FLG: variants seen among roughly 807,000 people sequenced by gnomAD.
The protein encoded by FLG is filaggrin, also known as epidermal filaggrin.
FLG carries 6 observed loss-of-function variants against 3.8 expected under a neutral mutation model. That is an observed-to-expected ratio of 1.60 (90% CI 0.87 to 3.15). The LOEUF (loss-of-function observed/expected upper bound fraction) is 3.15. Among genes scored for constraint, FLG ranks in the 30% most tolerant of loss-of-function variants. The pLI, the probability that FLG is intolerant of heterozygous loss-of-function variation, is 0.00. For synonymous variants in FLG, 2,551 were observed against 1,931.6 expected (o/e 1.32, Z -8.41); for missense variants, 7,595 against 5,050.9 (o/e 1.50, Z -15.27).
chr1:152,310,837 C>T lies in FLG; in HGVS notation c.4049G>A (p.Arg1350Lys). The T allele has an allele frequency of 6.2e-7, 1 of 1,611,906 alleles. No individual in the cohort carries two copies. Among genetic ancestry groups the T allele is most frequent in the Non-Finnish European group, 8.5e-7 (1 of 1,179,078 alleles). ...GQAVSSHEQA[R>K]SSPGERHGSR... ...TCCATGTCTTTCTCCTGGACTTGATCTTGCCTGTTCATGGGATGACACAGC... is the reference window on the plus strand; with the variant it reads ...TCCATGTCTTTCTCCTGGACTTGATTTTGCCTGTTCATGGGATGACACAGC... Residue 1350 changes from arginine (R) to lysine (K), a missense_variant, in exon 3 of 3, where the codon AGA becomes AAA. Physicochemically the swap from Arg to Lys is conservative, Grantham distance 26. Transcript: ENST00000368799.
In FLG at chr1:152,310,510, G is replaced by A; in HGVS notation, c.4376C>T (p.Ala1459Val). The A allele has an allele frequency of 1.2e-6, 2 of 1,613,724 alleles. No homozygotes were observed. Among genetic ancestry groups the A allele is most frequent in the South Asian group, 2.2e-5 (2 of 91,052 alleles). Reference protein sequence around the residue: ...EQSESTHGQTAPSTGGRQGSR... With the variant: ...EQSESTHGQTVPSTGGRQGSR... ...TCCTTGTCTTCCTCCAGTGCTGGGTGCAGTCTGTCCGTGTGTGGACTCAGA... is the reference window on the plus strand; with the variant it reads ...TCCTTGTCTTCCTCCAGTGCTGGGTACAGTCTGTCCGTGTGTGGACTCAGA... Residue 1459 changes from alanine to valine, a missense_variant, in exon 3 of 3, where the codon GCA becomes GTA. By Grantham distance (64) the Ala-to-Val change is moderately conservative. Coordinates refer to ENST00000368799, the MANE Select transcript of FLG (RefSeq NM_002016.2).
In FLG at chr1:152,308,839, C is replaced by T. The variant is rs1423776266; in HGVS notation, c.6047G>A (p.Ser2016Asn). The T allele has an allele frequency of 1.1e-5, 18 of 1,614,084 alleles. No individual in the cohort carries two copies. Among genetic ancestry groups the T allele is most frequent in the Non-Finnish European group, 1.4e-5 (16 of 1,180,048 alleles). Residue 2016 changes from serine to asparagine, a missense_variant, in exon 3 of 3, where the codon AGC becomes AAC. Transcript: ENST00000368799. ...GSHHQLQSAD[S>N]SRHSGIGHGQ... The stretch of plus-strand genomic sequence containing the variant: ...ATGCCCAATGCCTGAGTGTCTGGAG[C>T]TGTCTGCTGACTGGAGCTGGTGGTG...
intron 1 of FLG, among the ~76,000 whole-genome samples, chr1:152,323,078 T>C (rs1653030330): frequency 6.6e-6 from 1 of 151,564 alleles, no homozygotes; most frequent in Non-Finnish European, 1.5e-5. Context: ...ATTTGGTTAA[T>C]GGCAAAGATG....
In FLG at chr1:152,308,157, A is replaced by C. The variant is rs1287092034; in HGVS notation, c.6729T>G (p.Val2243=). 5 of 1,613,900 alleles carry C rather than the reference A, an allele frequency of 3.1e-6. No homozygotes were observed. The highest frequency in any genetic ancestry group is 1.1e-5 in the South Asian group (1 of 91,074). ...GTCCCTCACTGTCACTGTCCTGGCT[A>C]ACACTGGATCCCCGGGGCCTGCTTG... is the stretch of plus-strand genomic sequence containing the variant. ...PRTSRPRGSS[V]SQDSDSEGHS... is the part of the protein sequence containing the mutation. Residue 2243 remains valine (V), a synonymous_variant, in exon 3 of 3, where the codon GTT becomes GTG. Transcript: ENST00000368799.
In FLG at chr1:152,310,367, G is replaced by C. The variant is rs753353085; in HGVS notation, c.4519C>G (p.Gln1507Glu). 5 of 1,613,702 alleles carry C rather than the reference G, an allele frequency of 3.1e-6. No individual in the cohort carries two copies. Among genetic ancestry groups the C allele is most frequent in the Non-Finnish European group, 4.2e-6 (5 of 1,179,994 alleles). Residue 1507 changes from glutamine (Q) to glutamate (E), a missense_variant, in exon 3 of 3, where the codon CAA becomes GAA. By Grantham distance (29) the Gln-to-Glu change is conservative. Coordinates refer to ENST00000368799, the MANE Select transcript of FLG (RefSeq NM_002016.2). ...RGGRQGSYHEQSVDRSGHSGY... is the reference protein window; with the variant it reads ...RGGRQGSYHEESVDRSGHSGY... The stretch of plus-strand genomic sequence containing the variant: ...GAGTGTCCAGACCTATCTACTGATT[G>C]CTCGTGGTAGGATCCCTGCCTTCCT...
chr1:152,317,711 T>A (rs1274056585), intron 1 of FLG, among the ~76,000 whole-genome samples: 1 of 152,078 alleles, frequency 6.6e-6, no homozygotes, highest in Non-Finnish European at 1.5e-5. Flanking sequence ...CACAAGTTTA[T>A]ACCCCCAGTC....
chr1:152,321,723 C>A (rs1487712342), intron 1 of FLG, among the ~76,000 whole-genome samples: 1 of 151,058 alleles, frequency 6.6e-6, no homozygotes, highest in East Asian at 1.9e-4. Flanking sequence ...TTACTGAATT[C>A]TATTCAAAGT....
chr1:152,311,839 C>G lies in FLG; in HGVS notation c.3047G>C (p.Gly1016Ala). 1.2e-6 allele frequency: 2 copies of G among 1,614,080 alleles called. No homozygotes were observed. ...CTGTTCATGGGATGACGCAGCCTGT[C>G]CACCAGAGGAAGTCTCTGCGTGAGG... is the stretch of plus-strand genomic sequence containing the variant. ...GTPHAETSSGGQAASSHEQAR... is the reference protein window; with the variant it reads ...GTPHAETSSGAQAASSHEQAR... Residue 1016 changes from glycine to alanine, a missense_variant, in exon 3 of 3, where the codon GGA becomes GCA. Gly to Ala is a moderately conservative substitution (Grantham distance 60). Transcript: ENST00000368799.
At chr1:152,318,405 T>C (rs1652855136) in intron 1 of FLG, among the ~76,000 whole-genome samples, 1 of 151,958 alleles carries the variant, frequency 6.6e-6, no homozygotes, top group South Asian at 2.1e-4. Flanking sequence ...TAACCATTCC[T>C]TTCTTAATGG....
At position 152,313,525 on chromosome 1, in the gene FLG, G is replaced by T. The variant is rs1557881622; in HGVS notation, c.1361C>A (p.Thr454Lys). ...GLRQQSHQES[T>K]RGRSGERSGR... ...AGACCGTTCCCCTGACCGGCCACGT[G>T]TGGACTCTTGGTGGCTCTGCTGTCT... The change falls in exon 3 of 3, where the codon ACA becomes AAA. Residue 454 changes from threonine to lysine, a missense_variant. Coordinates refer to ENST00000368799, the MANE Select transcript of FLG (RefSeq NM_002016.2). 6.2e-7 allele frequency: 1 copy of T among 1,613,992 alleles called. No individual in the cohort carries two copies.
rs1263125876 is a variant in FLG, at chr1:152,304,115, A to T, written c.10771T>A (p.Ser3591Thr). The T allele has an allele frequency of 2.5e-6, 4 of 1,588,548 alleles. No homozygotes were observed. The highest frequency in any genetic ancestry group is 1.7e-4 in the Middle Eastern group (1 of 5,788). Reference protein sequence around the residue: ...HHEDRAGHGHSAESSRQSGTH... With the variant: ...HHEDRAGHGHTAESSRQSGTH... ...CCTGATTGTCTGGAGCTCTCTGCAG[A>T]GTGCCCGTGACCGGCTCTGTCTTCG... The change falls in exon 3 of 3, where the codon TCT becomes ACT. Residue 3591 changes from serine to threonine, a missense_variant. Transcript: ENST00000368799.
rs1475179036 is a variant in FLG at position 152,313,742 on chromosome 1, C to G, written c.1144G>C (p.Glu382Gln). ...TGCTGGTGGCCGGATCCATGTCTTT[C>G]TCCTGGACTTGATCTTGCCTGTTCA... ...SHEQARSSPG[E>Q]RHGSGHQQSA... Residue 382 changes from glutamate (E) to glutamine (Q), a missense_variant, in exon 3 of 3, where the codon GAA (glutamate) becomes CAA (glutamine). Physicochemically the swap from Glu to Gln is conservative, Grantham distance 29 (BLOSUM62 2). Coordinates refer to ENST00000368799, the MANE Select transcript of FLG (RefSeq NM_002016.2). 1.2e-6 allele frequency: 2 copies of G among 1,614,156 alleles called. No individual in the cohort carries two copies. Among genetic ancestry groups the G allele is most frequent in the African/African-American group, 1.3e-5 (1 of 75,056 alleles).
intron 1 of FLG, among the ~76,000 whole-genome samples, chr1:152,324,778 A>C (rs1272490252): frequency 1.3e-5 from 2 of 151,846 alleles, no homozygotes; most frequent in Non-Finnish European, 2.9e-5. Context: ...CTGCTCTACT[A>C]CATCACTCTT....
Position 152,310,844 on chromosome 1 carries a change from G to T in FLG, c.4042C>A (p.Gln1348Lys). The T allele has an allele frequency of 6.2e-7, 1 of 1,611,840 alleles. No homozygotes were observed. Among genetic ancestry groups the T allele is most frequent in the South Asian group, 1.1e-5 (1 of 90,944 alleles). The change falls in exon 3 of 3, where the codon CAG becomes AAG. Residue 1348 changes from glutamine to lysine, a missense_variant. Transcript: ENST00000368799. ...CTTTCTCCTGGACTTGATCTTGCCT[G>T]TTCATGGGATGACACAGCCTGTCCA... ...SHGQAVSSHE[Q>K]ARSSPGERHG...
chr1:152,318,504 A>C (rs1049614632), intron 1 of FLG, among the ~76,000 whole-genome samples: 5 of 151,746 alleles, frequency 3.3e-5, no homozygotes, highest in Admixed American at 1.3e-4. Flanking sequence ...ATTCTTTACT[A>C]ACCTCTCTTC....
At position 152,304,417 on chromosome 1, in the gene FLG, C is replaced by A. The variant is rs373564521; in HGVS notation, c.10469G>T (p.Arg3490Leu). 1.9e-6 allele frequency: 3 copies of A among 1,610,080 alleles called. No individual in the cohort carries two copies. Among genetic ancestry groups the A allele is most frequent in the Admixed American group, 1.7e-5 (1 of 59,696 alleles). ...SGSRSASRQT[R>L]NDEQSGDGSR... ...GCCATCTCCTGATTGTTCGTCATTA[C>A]GAGTTTGTCTGCTGGCACTTCTGGA... Residue 3490 changes from arginine to leucine, a missense_variant, in exon 3 of 3, where the codon CGT becomes CTT. Physicochemically the swap from Arg to Leu is moderately radical, Grantham distance 102 (BLOSUM62 -2). Transcript: ENST00000368799.
In FLG at chr1:152,305,472, G is replaced by C. The variant is rs1263829848; in HGVS notation, c.9414C>G (p.Ser3138=). Residue 3138 remains serine (S), a synonymous_variant, in exon 3 of 3, where the codon TCC becomes TCG. Coordinates refer to ENST00000368799, the MANE Select transcript of FLG (RefSeq NM_002016.2). ...HSVDSSGHSG[S]HHSHTTSQGR... is the part of the protein sequence containing the mutation. ...CCTGGGATGTGGTGTGGCTGTGATG[G>C]GACCCTGAGTGTCCAGAGCTATCTA... is the stretch of plus-strand genomic sequence containing the variant. 3 of 1,586,258 alleles carry C rather than the reference G, an allele frequency of 1.9e-6. No homozygotes were observed. The highest frequency in any genetic ancestry group is 1.8e-5 in the Admixed American group (1 of 56,510).
In FLG at chr1:152,304,946, T is replaced by C. The variant is rs764771592; in HGVS notation, c.9940A>G (p.Arg3314Gly). Residue 3314 changes from arginine to glycine, a missense_variant, in exon 3 of 3, where the codon AGA (arginine) becomes GGA (glycine). By Grantham distance (125) the Arg-to-Gly change is moderately radical. Coordinates refer to ENST00000368799, the MANE Select transcript of FLG (RefSeq NM_002016.2). ...TGTCCACGCGGAATGCCTGAGTGTC[T>C]GGAGCTGTCTGCTGACTGCTGGTGG... ...SRHQQSADSS[R>G]HSGIPRGQAS... is the part of the protein sequence containing the mutation. The C allele has an allele frequency of 6.2e-7, 1 of 1,613,898 alleles. No individual in the cohort carries two copies. Among genetic ancestry groups the C allele is most frequent in the East Asian group, 2.2e-5 (1 of 44,828 alleles).
intron 1 of FLG, among the ~76,000 whole-genome samples, chr1:152,316,289 T>A (rs1461987903): frequency 2.0e-5 from 3 of 152,130 alleles, no homozygotes; most frequent in Non-Finnish European, 2.9e-5. Flanking sequence ...TAGATATTAA[T>A]GAATTTTGCT....
Sources: allele counts gnomAD v4.1 joint callset (sites outside exome capture counted in the v4.1 genomes callset), GRCh38; gene constraint gnomAD v4.1.1; transcripts MANE v1.5; gene names NCBI Gene and HGNC (gene_info 2026-07-23, HGNC 2026-07-21).